Variants in CHSY1 observed in about 807,000 individuals in gnomAD.
CHSY1 encodes the protein N-acetylgalactosaminyl-proteoglycan 3-beta-glucuronosyltransferase 1.
In CHSY1, 13 loss-of-function variants were observed where a neutral mutation model predicts 59.8. The observed-to-expected ratio is 0.22, with a 90% CI of 0.14 to 0.35. CHSY1 has a LOEUF of 0.35. Ranked by LOEUF, CHSY1 falls within the 10% of genes least tolerant of loss-of-function variation. The pLI is 1.00. For missense variants in CHSY1, 947 were observed against 1,030.6 expected, an observed-to-expected ratio of 0.92 and a Z score of 1.11; for synonymous variants, 459 against 401.2, an observed-to-expected ratio of 1.14 and a Z score of -1.72.
At chr15:101,203,184 A>AGGG (rs996848510) in intron 2 of CHSY1, among the ~76,000 whole-genome samples, 1 of 152,142 alleles carries the variant, frequency 6.6e-6, no homozygotes, top group Non-Finnish European at 1.5e-5. Context: ...CCCCTGAAAT[A>AGGG]GGGGGGGTGA....
intron 2 of CHSY1, among the ~76,000 whole-genome samples, chr15:101,227,149 T>C (rs762159107): frequency 5.5e-4 from 83 of 152,190 alleles, no homozygotes; most frequent in Non-Finnish European, 9.8e-4. Flanking sequence ...ATTTGCCCTA[T>C]TTCCAGTCTG....
rs1269815851 is a variant in CHSY1, at chr15:101,175,984, A to T, written c.*1404T>A. 3.2e-6 allele frequency: 1 copy of T among 309,440 alleles called. No individual in the cohort carries two copies. Among genetic ancestry groups the T allele is most frequent in the Non-Finnish European group, 5.8e-6 (1 of 171,104 alleles). 19.2% of individuals were successfully genotyped at this position (309,440 alleles called of 1,614,324 possible). A position where few individuals can be genotyped will look rare whatever the true frequency, so the allele number is the denominator to read the frequency against. The stretch of plus-strand genomic sequence containing the variant: ...ATCTGAGAATTTAACTTTCTGGTAT[A>T]ATGACAGATTCATTTCACTTTTGTC... On this transcript the variant is annotated 3_prime_UTR_variant, in exon 3 of 3. Transcript: ENST00000254190.
chr15:101,210,123 A>G (rs1043697470), intron 2 of CHSY1, among the ~76,000 whole-genome samples: 1 of 152,252 alleles, frequency 6.6e-6, no homozygotes, highest in African/African-American at 2.4e-5. Flanking sequence ...AAGTTCAAAA[A>G]CAAGATCTGT....
rs1477245563 is a variant in CHSY1, at chr15:101,236,972, C to A, written c.321-1395G>T. Among the ~76,000 whole-genome samples the A allele has an allele frequency of 1.3e-5, 2 of 151,162 alleles. 1 individual carries two copies. The stretch of plus-strand genomic sequence containing the variant: ...CAGTGGCTCATGCCTGTAATCCCAG[C>A]ACTTTAGGAGGCCGAGGCAGGCAGA... On this transcript the variant is annotated intron_variant, in intron 1 of 2. Transcript: ENST00000254190.
intron 2 of CHSY1, 152 bp downstream of exon 2, chr15:101,234,930 A>ATT: frequency 1.1e-6 from 1 of 928,782 alleles, no homozygotes; most frequent in Non-Finnish European, 1.6e-6. Flanking sequence ...GGGGAACTGA[A>ATT]TTTTTTTTTT....
chr15:101,179,091 C>G, intron 2 of CHSY1, 111 bp from the exon 3 acceptor site: 1 of 1,065,308 alleles, frequency 9.4e-7, no homozygotes, highest in Non-Finnish European at 1.4e-6. Flanking sequence ...CCACAGCACA[C>G]AAAAGGCCCT....
intron 2 of CHSY1, among the ~76,000 whole-genome samples, chr15:101,209,627 G>A (rs1240408343): frequency 6.6e-6 from 1 of 152,120 alleles, no homozygotes; most frequent in Non-Finnish European, 1.5e-5. Context: ...CAGTTGCTAT[G>A]CAACAATAAG....
chr15:101,205,299 G>C (rs2038613948), intron 2 of CHSY1, among the ~76,000 whole-genome samples: 1 of 151,964 alleles, frequency 6.6e-6, no homozygotes, highest in South Asian at 2.1e-4. Context: ...ATAATTTCCA[G>C]TGCCTCCCAG....
At chr15:101,195,271 T>C (rs1055216701) in intron 2 of CHSY1, among the ~76,000 whole-genome samples, 1 of 152,240 alleles carries the variant, frequency 6.6e-6, no homozygotes, top group African/African-American at 2.4e-5. Flanking sequence ...AGTACTTACA[T>C]ACTCATATAT....
chr15:101,184,375 T>C (rs2038324399), intron 2 of CHSY1, among the ~76,000 whole-genome samples: 1 of 151,378 alleles, frequency 6.6e-6, no homozygotes, highest in Non-Finnish European at 1.5e-5. Flanking sequence ...GTGTTACATA[T>C]ATATATAATT....
chr15:101,181,861 C>T (rs1389140462), intron 2 of CHSY1, among the ~76,000 whole-genome samples: 1 of 152,158 alleles, frequency 6.6e-6, no homozygotes, highest in Non-Finnish European at 1.5e-5. Context: ...AACTTAACTA[C>T]TAATAGCCTA....
At chr15:101,228,163 A>G (rs2038859077) in intron 2 of CHSY1, among the ~76,000 whole-genome samples, 1 of 152,168 alleles carries the variant, frequency 6.6e-6, no homozygotes, top group Non-Finnish European at 1.5e-5. Context: ...AGAGTTGAAC[A>G]GGCAGAGGAA....
intron 1 of CHSY1, 74 bp downstream of exon 1, chr15:101,251,063 C>G: frequency 7.1e-7 from 1 of 1,413,594 alleles, no homozygotes; most frequent in Non-Finnish European, 9.6e-7. Flanking sequence ...GAGGCGAGAG[C>G]CAGGAGAGCA....
intron 2 of CHSY1, among the ~76,000 whole-genome samples, chr15:101,228,153 A>G (rs926003258): frequency 6.6e-6 from 1 of 152,176 alleles, no homozygotes; most frequent in African/African-American, 2.4e-5. Context: ...ATATCACAAC[A>G]GAGTTGAACA....
intron 2 of CHSY1, among the ~76,000 whole-genome samples, chr15:101,230,264 G>A (rs1367168726): frequency 6.6e-6 from 1 of 152,152 alleles, no homozygotes; most frequent in East Asian, 1.9e-4. Flanking sequence ...AGAACATGCA[G>A]CATTAGTGCT....
At chr15:101,190,554 G>C (rs1298886268) in intron 2 of CHSY1, among the ~76,000 whole-genome samples, 1 of 152,154 alleles carries the variant, frequency 6.6e-6, no homozygotes, top group African/African-American at 2.4e-5. Flanking sequence ...CTTGGGTTTG[G>C]TGATGACTTT....
chr15:101,197,978 G>T (rs1221020840), intron 2 of CHSY1, among the ~76,000 whole-genome samples: 1 of 152,136 alleles, frequency 6.6e-6, no homozygotes, highest in Admixed American at 6.5e-5. Flanking sequence ...TGGGATGTAA[G>T]GATTTGTTTC....
intron 1 of CHSY1, among the ~76,000 whole-genome samples, chr15:101,241,119 G>A (rs544034662): frequency 2.0e-5 from 3 of 152,196 alleles, no homozygotes; most frequent in East Asian, 1.9e-4. Flanking sequence ...TTTCTGAGAC[G>A]GAGTCTGGCC....
intron 2 of CHSY1, among the ~76,000 whole-genome samples, chr15:101,222,361 T>C (rs1468027177): frequency 1.3e-5 from 2 of 152,200 alleles, no homozygotes; most frequent in Non-Finnish European, 2.9e-5. Flanking sequence ...CAATTTTGGA[T>C]TTAAAGAAGA....
Sources: allele counts gnomAD v4.1 joint callset (sites outside exome capture counted in the v4.1 genomes callset), GRCh38; gene constraint gnomAD v4.1.1; transcripts MANE v1.5; gene names NCBI Gene and HGNC (gene_info 2026-07-23, HGNC 2026-07-21).